RFX8: variants seen among roughly 807,000 people sequenced by gnomAD.
RFX8 encodes the protein regulatory factor X8, also known as DNA-binding protein RFX8.
In RFX8, 46 loss-of-function variants were observed where a neutral mutation model predicts 54.6. The observed-to-expected ratio is 0.84, with a 90% confidence interval of 0.67 to 1.08. RFX8 has a LOEUF of 1.08. RFX8 is among the 50% of genes least tolerant of loss of function. The probability of loss-of-function intolerance (pLI) is 0.00; values close to 1 mark genes in which losing one functional copy is unlikely to be tolerated. For missense variants in RFX8, 536 were observed against 562.3 expected, an observed-to-expected ratio of 0.95 and a Z score of 0.47; for synonymous variants, 192 against 209.5, an observed-to-expected ratio of 0.92 and a Z score of 0.72.
chr2:101,424,824 C>T (rs1687084395), intron 2 of RFX8, among the ~76,000 whole-genome samples: 1 of 152,060 alleles, frequency 6.6e-6, no homozygotes. Context: ...AATGAGAACA[C>T]TTGGACACAG....
At chr2:101,414,654 G>A (rs1283310857) in intron 7 of RFX8, among the ~76,000 whole-genome samples, 200 bp downstream of exon 7, 2 of 152,078 alleles carry the variant, frequency 1.3e-5, no homozygotes, top group Non-Finnish European at 2.9e-5. Flanking sequence ...CTGAGGATGG[G>A]TGGAAAGGGG....
chr2:101,424,772 A>G (rs1687079955), intron 2 of RFX8, among the ~76,000 whole-genome samples: 1 of 152,204 alleles, frequency 6.6e-6, no homozygotes, highest in Non-Finnish European at 1.5e-5. Flanking sequence ...AAGGACAGAA[A>G]ACCAAACACT....
intron 8 of RFX8, 102 bp from the exon 9 acceptor site, chr2:101,410,815 T>C: frequency 3.1e-6 from 2 of 653,838 alleles, no homozygotes; most frequent in Non-Finnish European, 5.5e-6. Context: ...CACTGAACAA[T>C]AGCTCGAAGG....
At chr2:101,452,467 T>C in intron 2 of RFX8, 12 of 1,276,992 alleles carry the variant, frequency 9.4e-6, no homozygotes, top group Non-Finnish European at 9.0e-6. Context: ...AAGCCAGATT[T>C]AAAGTTGCAA....
chr2:101,462,139 G>A (rs957041438), intron 2 of RFX8, among the ~76,000 whole-genome samples: 1 of 152,146 alleles, frequency 6.6e-6, no homozygotes, highest in Non-Finnish European at 1.5e-5. Flanking sequence ...TAAGGGATAT[G>A]GTTAGGCTGG....
chr2:101,424,382 G>A (rs936198423), intron 2 of RFX8, among the ~76,000 whole-genome samples: 1 of 152,198 alleles, frequency 6.6e-6, no homozygotes, highest in Non-Finnish European at 1.5e-5. Context: ...GTGCTGGAGA[G>A]GATGTGGAGA....
In RFX8 at chr2:101,447,319, A is replaced by C. The variant is rs560717261; in HGVS notation, c.72+19458T>G. Among the ~76,000 whole-genome samples the C allele has an allele frequency of 2.6e-5, 4 of 152,306 alleles. No homozygotes were observed. The South Asian group carries it at 8.3e-4, about 32-fold the overall frequency. On this transcript the variant is annotated intron_variant, in intron 2 of 11. Transcript: ENST00000428343. ...TTTTCAGTTCTCCAATAGCTATTTCAGTGCCCACTCTGGGAATATGTCCTT... is the reference window on the plus strand; with the variant it reads ...TTTTCAGTTCTCCAATAGCTATTTCCGTGCCCACTCTGGGAATATGTCCTT...
At position 101,407,547 on chromosome 2, in the gene RFX8, C is replaced by T. The variant is rs532116621; in HGVS notation, c.814-1490G>A. Among the ~76,000 whole-genome samples, 4 of 152,284 alleles carry T rather than the reference C, an allele frequency of 2.6e-5. No individual in the cohort carries two copies. The South Asian group carries it at 6.2e-4, about 24-fold the overall frequency. On this transcript the variant is annotated intron_variant, in intron 9 of 11. Transcript: ENST00000428343. ...TCTTTACTAAAAATACAAAAATTAG[C>T]TGGGCAGGGTGGCACACGCCTGTAA... is the stretch of plus-strand genomic sequence containing the variant.
At chr2:101,469,124 GTATATATATATAAGTATATATATATATA>G (rs1689827826) in intron 1 of RFX8, among the ~76,000 whole-genome samples, 1 of 95,680 alleles carries the variant, frequency 1.0e-5, no homozygotes, top group Non-Finnish European at 2.0e-5. Flanking sequence ...ATATATATAA[GTATATATATATAAGTATATATATATATA>G]TACACACACA....
At chr2:101,406,659 AAG>A (rs1685755412) in intron 9 of RFX8, among the ~76,000 whole-genome samples, 1 of 152,198 alleles carries the variant, frequency 6.6e-6, no homozygotes, top group Admixed American at 6.5e-5. Flanking sequence ...GTTTTTAAAA[AAG>A]AGGTCACTTG....
intron 6 of RFX8, among the ~76,000 whole-genome samples, chr2:101,416,624 T>A (rs1237155609): frequency 6.6e-6 from 1 of 152,008 alleles, no homozygotes; most frequent in East Asian, 1.9e-4. Flanking sequence ...TGGGACCCCG[T>A]AGGGAGTTCG....
intron 2 of RFX8, among the ~76,000 whole-genome samples, chr2:101,441,955 T>C (rs1402987095): frequency 6.6e-6 from 1 of 152,252 alleles, no homozygotes; most frequent in African/African-American, 2.4e-5. Context: ...TTGTTTTCTA[T>C]TTGTTTCCTT....
At chr2:101,426,434 G>C (rs192133819) in intron 2 of RFX8, among the ~76,000 whole-genome samples, 1 of 152,162 alleles carries the variant, frequency 6.6e-6, no homozygotes, top group African/African-American at 2.4e-5. Context: ...TGAGAAGTTG[G>C]CTTGAGCCTA....
At chr2:101,434,315 C>T (rs981484080) in intron 2 of RFX8, among the ~76,000 whole-genome samples, 2 of 152,196 alleles carry the variant, frequency 1.3e-5, no homozygotes, top group African/African-American at 4.8e-5. Flanking sequence ...TCTTTAAAAT[C>T]TGGTCTTCTG....
chr2:101,454,067 G>GC (rs1688839820), intron 2 of RFX8, among the ~76,000 whole-genome samples: 4 of 150,188 alleles, frequency 2.7e-5, no homozygotes, highest in South Asian at 4.3e-4. Context: ...CCCCCGACAG[G>GC]CCCCGGTGTG....
intron 11 of RFX8, among the ~76,000 whole-genome samples, 196 bp from the exon 12 acceptor site, chr2:101,397,920 G>A (rs920891420): frequency 2.6e-5 from 4 of 151,842 alleles, no homozygotes; most frequent in Non-Finnish European, 4.4e-5. Context: ...GTGCCATGGC[G>A]CCATCTCAGC....
intron 11 of RFX8, among the ~76,000 whole-genome samples, chr2:101,398,178 ACTC>A (rs1462120602): frequency 2.0e-5 from 3 of 151,722 alleles, no homozygotes; most frequent in African/African-American, 7.3e-5. Flanking sequence ...TTCTAAGAGA[ACTC>A]CTGATTTCTC....
In RFX8 at chr2:101,412,952, A is replaced by C. The variant is rs1178219126; in HGVS notation, c.681T>G (p.Ser227Arg). 7 of 1,551,502 alleles carry C rather than the reference A, an allele frequency of 4.5e-6. No homozygotes were observed. Among genetic ancestry groups the C allele is most frequent in the Non-Finnish European group, 5.2e-6 (6 of 1,146,976 alleles). The change falls in exon 8 of 12, where the codon AGT becomes AGG. Residue 227 changes from serine (S) to arginine (R), a missense_variant. Coordinates refer to ENST00000428343, the MANE Select transcript of RFX8 (RefSeq NM_001145664.2). ...GGTTGTTCTCCAGTTCATCTGCGCC[A>C]CTCCGGTCACTTGCCAGGGCTTTCT... Reference protein sequence around the residue: ...TSKKALASDRSGADELENNPE... With the variant: ...TSKKALASDRRGADELENNPE...
chr2:101,457,700 G>A (rs1409019656), intron 2 of RFX8, among the ~76,000 whole-genome samples: 2 of 152,230 alleles, frequency 1.3e-5, no homozygotes, highest in African/African-American at 4.8e-5. Flanking sequence ...TTGGGCTGGA[G>A]AGTTCTGTAG....
Sources: allele counts gnomAD v4.1 joint callset (sites outside exome capture counted in the v4.1 genomes callset), GRCh38; gene constraint gnomAD v4.1.1; transcripts MANE v1.5; gene names NCBI Gene and HGNC (gene_info 2026-07-23, HGNC 2026-07-21).